Variants in SLF1 observed in about 807,000 individuals in gnomAD.
SLF1 encodes SMC5/6 complex localization factor 1.
In SLF1, 105 loss-of-function variants were observed where a neutral mutation model predicts 123.0. The ratio of observed to expected loss-of-function variants is 0.85; its 90% CI spans 0.73 to 1.00. SLF1 has a LOEUF of 1.00. SLF1 is among the 50% of genes least tolerant of loss of function. SLF1 has a pLI of 0.00. For synonymous variants in SLF1, 434 were observed against 406.6 expected (o/e 1.07, Z -0.81); for missense variants, 1,239 against 1,223.0 (o/e 1.01, Z -0.20).
Position 94,639,037 on chromosome 5 carries a change from CTTTTTT to C in SLF1, c.432-4220_432-4215del, listed in dbSNP as rs764031689. On this transcript the variant is annotated intron_variant, in intron 4 of 20. Coordinates refer to ENST00000265140, the MANE Select transcript of SLF1 (RefSeq NM_032290.4). The stretch of plus-strand genomic sequence containing the variant: ...TTTCTCATCTCTTTTCTTTTCTTCC[CTTTTTT>C]TTTTTTTTTTTTTTTGAGATGGAGT... Among the ~76,000 whole-genome samples the C allele has an allele frequency of 1.6e-4, 14 of 88,958 alleles. No individual in the cohort carries two copies. In the East Asian group the frequency reaches 3.0e-3, roughly 19 times the overall value. 58.4% of individuals were successfully genotyped at this position (88,958 alleles called of 152,430 possible). A position where few individuals can be genotyped will look rare whatever the true frequency, so the allele number is the denominator to read the frequency against.
chr5:94,618,349 T>G (rs72773513), upstream of SLF1: 22,177 of 152,692 alleles, frequency 0.15, 1,822 homozygotes, highest in East Asian at 0.32. Context: ...CTTCTCCAGC[T>G]GCACTGGGTG....
At chr5:94,665,716 G>A (rs1215674795) in intron 11 of SLF1, 145 bp from the exon 12 acceptor site, 2 of 700,172 alleles carry the variant, frequency 2.9e-6, no homozygotes, top group African/African-American at 1.8e-5. Context: ...TCGTGCCACT[G>A]CACTCCAGCC....
intron 1 of SLF1, among the ~76,000 whole-genome samples, chr5:94,621,602 G>T (rs955549496): frequency 2.2e-4 from 34 of 152,134 alleles, no homozygotes; most frequent in African/African-American, 7.2e-4. Context: ...TTCCTCTCTT[G>T]ACCAACTTGC....
chr5:94,688,961 AT>A (rs1432891429), intron 17 of SLF1, among the ~76,000 whole-genome samples: 6 of 152,342 alleles, frequency 3.9e-5, no homozygotes, highest in African/African-American at 1.4e-4. Context: ...CTTTGCCATA[AT>A]ATAGATGGGA....
At position 94,643,148 on chromosome 5, in the gene SLF1, G is replaced by T. The variant is rs902974867; in HGVS notation, c.432-125G>T. On this transcript the variant is annotated intron_variant, in intron 4 of 20. Coordinates refer to ENST00000265140, the MANE Select transcript of SLF1 (RefSeq NM_032290.4). ...GCCGTGTTCTCTGTGATCCTCAATTGCCCAAAGAAATTAGTCCCTATTAGA... is the reference window on the plus strand; with the variant it reads ...GCCGTGTTCTCTGTGATCCTCAATTTCCCAAAGAAATTAGTCCCTATTAGA... 1.1e-5 allele frequency: 7 copies of T among 628,784 alleles called. No homozygotes were observed. The African/African-American group carries it at 1.3e-4, about 12-fold the overall frequency. The allele number at this position is 628,784 out of a possible 1,614,324, so 39.0% of individuals were successfully genotyped here.
At chr5:94,624,072 T>A (rs1279710298) in intron 1 of SLF1, among the ~76,000 whole-genome samples, 2 of 152,194 alleles carry the variant, frequency 1.3e-5, no homozygotes, top group Non-Finnish European at 2.9e-5. Context: ...GGGCCGTCAC[T>A]GGGATTCCTG....
intron 1 of SLF1, among the ~76,000 whole-genome samples, chr5:94,624,931 A>G (rs1437190310): frequency 6.6e-6 from 1 of 151,896 alleles, no homozygotes; most frequent in African/African-American, 2.4e-5. Flanking sequence ...TCATGCCTGT[A>G]ATCCCAGCGC....
Position 94,643,230 on chromosome 5 carries a change from T to C in SLF1, c.432-43T>C, listed in dbSNP as rs561476803. 2.1e-6 allele frequency: 3 copies of C among 1,405,256 alleles called. No individual in the cohort carries two copies. In the Admixed American group the frequency reaches 8.8e-5, roughly 41 times the overall value. The allele number at this position is 1,405,256 out of a possible 1,614,324, so 87.0% of individuals were successfully genotyped here. On this transcript the variant is annotated intron_variant, in intron 4 of 20. Coordinates refer to ENST00000265140, the MANE Select transcript of SLF1 (RefSeq NM_032290.4). ...ATTTAGATAATTTGACTAAAGAAACTCAAATTTTCTAATACTTTTATACCA... is the reference window on the plus strand; with the variant it reads ...ATTTAGATAATTTGACTAAAGAAACCCAAATTTTCTAATACTTTTATACCA...
chr5:94,651,604 A>G (rs185428681), intron 6 of SLF1, 98 bp from the exon 7 acceptor site: 49 of 973,146 alleles, frequency 5.0e-5, no homozygotes, highest in African/African-American at 1.9e-4. Flanking sequence ...TACAAAATCT[A>G]TGTTCCTGGA....
intron 6 of SLF1, among the ~76,000 whole-genome samples, chr5:94,650,073 G>A (rs1747505790): frequency 6.6e-6 from 1 of 152,084 alleles, no homozygotes; most frequent in Admixed American, 6.5e-5. Context: ...AGTACCTCAA[G>A]AAAGCACATA....
chr5:94,671,083 T>C (rs1185877615), intron 14 of SLF1, 75 bp downstream of exon 14: 5 of 1,073,760 alleles, frequency 4.7e-6, no homozygotes, highest in Non-Finnish European at 6.6e-6. Flanking sequence ...CCTCTCCTCT[T>C]TATTCTTTGG....
In SLF1 at chr5:94,630,605, C is replaced by T. The variant is rs1283316990; in HGVS notation, c.293C>T (p.Ser98Phe). 6.4e-7 allele frequency: 1 copy of T among 1,551,600 alleles called. No individual in the cohort carries two copies. The change falls in exon 4 of 21, where the codon TCC (serine) becomes TTC (phenylalanine). Residue 98 changes from serine to phenylalanine, a missense_variant. Transcript: ENST00000265140. The stretch of plus-strand genomic sequence containing the variant: ...TGGGGATATAAAATTGAAAAAGATT[C>T]CCGTTATTCACCTCAAATGCAATCT... ...YEWGYKIEKD[S>F]RYSPQMQSAP...
intron 11 of SLF1, among the ~76,000 whole-genome samples, chr5:94,664,856 A>G (rs1749559464): frequency 6.6e-6 from 1 of 152,218 alleles, no homozygotes; most frequent in South Asian, 2.1e-4. Context: ...ATCTGCACAT[A>G]ATCAAGTCCT....
chr5:94,663,714 T>C (rs1163430142), intron 10 of SLF1, 36 bp from the exon 11 acceptor site: 1 of 1,435,856 alleles, frequency 7.0e-7, no homozygotes, highest in Non-Finnish European at 9.3e-7. Flanking sequence ...ATTTTATCTT[T>C]CTTTTCTCTG....
At chr5:94,648,716 G>A (rs944016916) in intron 5 of SLF1, among the ~76,000 whole-genome samples, 8 of 152,164 alleles carry the variant, frequency 5.3e-5, no homozygotes, top group Admixed American at 1.3e-4. Context: ...TTCTGACCTC[G>A]TGATCCACCC....
intron 15 of SLF1, among the ~76,000 whole-genome samples, chr5:94,683,492 T>G (rs1003307950): frequency 6.6e-6 from 1 of 152,230 alleles, no homozygotes; most frequent in Non-Finnish European, 1.5e-5. Flanking sequence ...ATAAGTGCTC[T>G]GAACAGGAAA....
At chr5:94,669,267 G>A (rs1418643648) in intron 12 of SLF1, among the ~76,000 whole-genome samples, 1 of 152,120 alleles carries the variant, frequency 6.6e-6, no homozygotes, top group Non-Finnish European at 1.5e-5. Context: ...GGATCTTATA[G>A]ATAGATTGAA....
chr5:94,690,286 T>G (rs1483302923), intron 18 of SLF1, among the ~76,000 whole-genome samples: 1 of 152,164 alleles, frequency 6.6e-6, no homozygotes, highest in Non-Finnish European at 1.5e-5. Flanking sequence ...TTATATCTTG[T>G]TTTTAATACA....
At chr5:94,662,894 A>C (rs1390021627) in intron 10 of SLF1, among the ~76,000 whole-genome samples, 1 of 152,184 alleles carries the variant, frequency 6.6e-6, no homozygotes, top group Non-Finnish European at 1.5e-5. Flanking sequence ...AAATTATTCA[A>C]GGTAGTTACT....
Sources: gnomAD v4.1 joint callset for allele counts (sites outside exome capture counted in the v4.1 genomes callset) on GRCh38, gnomAD v4.1.1 for gene constraint, MANE v1.5 for transcripts, NCBI Gene and HGNC (gene_info 2026-07-23, HGNC 2026-07-21) for gene names.